Variants in TENM3 observed in about 807,000 individuals in gnomAD.
TENM3 encodes the protein teneurin-3.
Under a neutral mutation model 255.1 loss-of-function variants are expected in TENM3, and 63 were observed. The observed-to-expected ratio is 0.25, with a 90% CI of 0.20 to 0.30. The LOEUF is 0.30. Among genes scored for constraint, TENM3 ranks in the 10% least tolerant of loss-of-function variants. The probability of loss-of-function intolerance (pLI) is 1.00; values close to 1 mark genes in which losing one functional copy is unlikely to be tolerated. For synonymous variants in TENM3, 1,306 were observed against 1,322.3 expected (o/e 0.99, Z 0.27); for missense variants, 2,929 against 3,461.1 (o/e 0.85, Z 3.86).
intron 3 of TENM3, among the ~76,000 whole-genome samples, chr4:182,373,229 G>T (rs890995815): frequency 6.6e-6 from 1 of 152,140 alleles, no homozygotes; most frequent in Non-Finnish European, 1.5e-5. Context: ...GACTCTGCTG[G>T]TTATGGAGAG....
intron 1 of TENM3, among the ~76,000 whole-genome samples, chr4:182,168,149 T>C (rs1321431389): frequency 1.3e-5 from 2 of 151,946 alleles, no homozygotes; most frequent in Non-Finnish European, 2.9e-5. Context: ...CTTTTTTTTT[T>C]TTCGAGACAG....
the TENM3 span, among the ~76,000 whole-genome samples, chr4:181,757,186 G>A: frequency 6.6e-6 from 1 of 152,164 alleles, no homozygotes; most frequent in Non-Finnish European, 1.5e-5. Context: ...GGTTTCACAG[G>A]TTTTTATTAG....
At chr4:181,822,925 T>C in the TENM3 span, among the ~76,000 whole-genome samples, 1 of 152,136 alleles carries the variant, frequency 6.6e-6, no homozygotes, top group Non-Finnish European at 1.5e-5. Context: ...TATCCTATGA[T>C]TATTAGCTTT....
intron 3 of TENM3, among the ~76,000 whole-genome samples, chr4:182,434,795 A>G (rs1347011382): frequency 6.6e-6 from 1 of 152,150 alleles, no homozygotes; most frequent in African/African-American, 2.4e-5. Flanking sequence ...AAATCCATTC[A>G]CAAGGAATCT....
intron 3 of TENM3, among the ~76,000 whole-genome samples, chr4:182,524,657 G>A (rs898840188): frequency 9.9e-5 from 15 of 151,420 alleles, no homozygotes; most frequent in African/African-American, 3.2e-4. Flanking sequence ...CGTCACACCC[G>A]ACCTGACAAA....
chr4:182,093,055 A>G, the TENM3 span, among the ~76,000 whole-genome samples: 3 of 152,174 alleles, frequency 2.0e-5, no homozygotes, highest in Non-Finnish European at 4.4e-5. Context: ...TCACTTGACT[A>G]TGGGTTAAGT....
At chr4:181,794,796 A>G in the TENM3 span, among the ~76,000 whole-genome samples, 1 of 152,022 alleles carries the variant, frequency 6.6e-6, no homozygotes, top group Non-Finnish European at 1.5e-5. Context: ...GGATGTAAGA[A>G]AATCACACTT....
At chr4:182,686,952 C>A (rs6552593) in intron 11 of TENM3, among the ~76,000 whole-genome samples, 45 of 152,204 alleles carry the variant, frequency 3.0e-4, no homozygotes, top group African/African-American at 9.6e-4. Flanking sequence ...AAAAAACCTG[C>A]GTGCTACCCT....
At chr4:182,462,636 A>C (rs1732140674) in intron 3 of TENM3, among the ~76,000 whole-genome samples, 1 of 151,742 alleles carries the variant, frequency 6.6e-6, no homozygotes, top group African/African-American at 2.4e-5. Context: ...GGACCACTTA[A>C]ATTTACTTGA....
At chr4:181,597,055 C>A in the TENM3 span, among the ~76,000 whole-genome samples, 9,326 of 152,128 alleles carry the variant, frequency 0.061, 1,016 homozygotes, top group African/African-American at 0.21. Flanking sequence ...ACACATATAT[C>A]CCTGAACTTA....
chr4:182,459,645 T>C (rs191316750), intron 3 of TENM3, among the ~76,000 whole-genome samples: 6 of 152,306 alleles, frequency 3.9e-5, no homozygotes, highest in Admixed American at 3.9e-4. Flanking sequence ...TCTTCACTTC[T>C]GTGCTTCCAG....
intron 13 of TENM3, among the ~76,000 whole-genome samples, chr4:182,723,611 C>G (rs1759920194): frequency 6.6e-6 from 1 of 152,042 alleles, no homozygotes; most frequent in South Asian, 2.1e-4. Context: ...GAAGGTAACC[C>G]AGGAAAAGAC....
intron 18 of TENM3, among the ~76,000 whole-genome samples, chr4:182,739,441 C>G (rs1314268959): frequency 6.6e-6 from 1 of 152,164 alleles, no homozygotes; most frequent in East Asian, 1.9e-4. Context: ...ACTTTAGCAT[C>G]CTGTCCTACA....
chr4:182,052,036 T>A, the TENM3 span, among the ~76,000 whole-genome samples: 2 of 152,080 alleles, frequency 1.3e-5, no homozygotes, highest in Non-Finnish European at 2.9e-5. Context: ...ATTACTGGCC[T>A]CCAGCAGGTA....
At chr4:181,633,536 C>T in the TENM3 span, among the ~76,000 whole-genome samples, 2 of 152,112 alleles carry the variant, frequency 1.3e-5, no homozygotes, top group Non-Finnish European at 2.9e-5. Flanking sequence ...AGAGAATATT[C>T]TAAATGACCC....
chr4:181,824,440 A>G, the TENM3 span, among the ~76,000 whole-genome samples: 8 of 152,270 alleles, frequency 5.3e-5, no homozygotes, highest in East Asian at 1.5e-3. Context: ...TGCTGGTCCA[A>G]TATGCATATT....
At chr4:181,558,774 A>G in the TENM3 span, among the ~76,000 whole-genome samples, 1 of 152,230 alleles carries the variant, frequency 6.6e-6, no homozygotes. Context: ...GTCAGGCAAA[A>G]GATATTTGGG....
chr4:181,933,678 G>T, the TENM3 span, among the ~76,000 whole-genome samples: 1 of 152,172 alleles, frequency 6.6e-6, no homozygotes, highest in South Asian at 2.1e-4. Flanking sequence ...CAGCTTGGAA[G>T]CATTTTGTGA....
At chr4:182,370,623 A>G (rs530008836) in intron 3 of TENM3, among the ~76,000 whole-genome samples, 37 of 152,306 alleles carry the variant, frequency 2.4e-4, no homozygotes, top group African/African-American at 8.4e-4. Context: ...TTGCTTAACC[A>G]TGGTCCTGAT....
Sources: gnomAD v4.1 joint callset for allele counts (sites outside exome capture counted in the v4.1 genomes callset) on GRCh38, gnomAD v4.1.1 for gene constraint, MANE v1.5 for transcripts, NCBI Gene and HGNC (gene_info 2026-07-23, HGNC 2026-07-21) for gene names.